Variants in LANCL2 observed in about 807,000 individuals in gnomAD.
The protein encoded by LANCL2 is LanC like glutathione S-transferase 2.
LANCL2 carries 33 observed loss-of-function variants against 56.9 expected under a neutral mutation model. That is an observed-to-expected ratio of 0.58 (90% CI 0.44 to 0.78). LANCL2 has a LOEUF of 0.78. Ranked by LOEUF, LANCL2 falls within the 30% of genes least tolerant of loss-of-function variation. The pLI, the probability that LANCL2 is intolerant of heterozygous loss-of-function variation, is 0.00. For synonymous variants in LANCL2, 233 were observed against 228.2 expected, an observed-to-expected ratio of 1.02 and a Z score of -0.19; for missense variants, 562 against 580.2, an observed-to-expected ratio of 0.97 and a Z score of 0.32.
At chr7:55,401,406 G>A in intron 5 of LANCL2, 86 bp downstream of exon 5, 1 of 1,192,456 alleles carries the variant, frequency 8.4e-7, no homozygotes, top group Non-Finnish European at 1.2e-6. Flanking sequence ...AAAGCAGTCT[G>A]GATTGAAATA....
intron 7 of LANCL2, among the ~76,000 whole-genome samples, chr7:55,427,096 T>C (rs1018053559): frequency 1.3e-5 from 2 of 152,156 alleles, no homozygotes; most frequent in African/African-American, 4.8e-5. Context: ...GCCTTTGGGA[T>C]GCAAAGGGAA....
chr7:55,419,557 A>AT (rs1790585849), intron 6 of LANCL2, among the ~76,000 whole-genome samples: 8 of 151,822 alleles, frequency 5.3e-5, no homozygotes, highest in African/African-American at 1.9e-4. Flanking sequence ...ACGAGGTACC[A>AT]CGCCTGACTA....
chr7:55,366,084 A>C lies in LANCL2; in HGVS notation c.59A>C (p.Glu20Ala). Residue 20 changes from glutamate to alanine, a missense_variant, in exon 1 of 9, where the codon GAG (glutamate) becomes GCG (alanine). Physicochemically the swap from Glu to Ala is moderately radical, Grantham distance 107 (BLOSUM62 -1). Transcript: ENST00000254770. ...KLHLGGEAEMEERAFVNPFPD... is the reference protein window; with the variant it reads ...KLHLGGEAEMAERAFVNPFPD... ...CACCTGGGAGGGGAGGCAGAAATGG[A>C]GGAACGGGCGTTCGTCAACCCCTTC... The C allele has an allele frequency of 6.5e-7, 1 of 1,535,718 alleles. No homozygotes were observed.
intron 1 of LANCL2, among the ~76,000 whole-genome samples, chr7:55,375,480 T>C (rs1161606787): frequency 6.6e-6 from 1 of 152,196 alleles, no homozygotes; most frequent in African/African-American, 2.4e-5. Flanking sequence ...CTGAGACGCC[T>C]GTGAGAGGCT....
intron 1 of LANCL2, among the ~76,000 whole-genome samples, chr7:55,386,839 T>C (rs1583747546): frequency 6.6e-6 from 1 of 152,218 alleles, no homozygotes; most frequent in East Asian, 1.9e-4. Flanking sequence ...GGGTTACTGT[T>C]TTGGATTGTG....
At chr7:55,423,101 A>G (rs554467302) in intron 6 of LANCL2, among the ~76,000 whole-genome samples, 20 of 152,354 alleles carry the variant, frequency 1.3e-4, no homozygotes, top group African/African-American at 4.8e-4. Context: ...TAGCCCATGT[A>G]TGATTGCTGT....
intron 6 of LANCL2, 25 bp downstream of exon 6, chr7:55,412,114 G>A (rs943295707): frequency 1.1e-5 from 17 of 1,592,316 alleles, no homozygotes; most frequent in East Asian, 2.3e-5. Context: ...CGTCACGGCC[G>A]TCCCCTGTGT....
intron 1 of LANCL2, among the ~76,000 whole-genome samples, chr7:55,390,695 C>T (rs1790177560): frequency 6.6e-6 from 1 of 151,876 alleles, no homozygotes; most frequent in South Asian, 2.1e-4. Flanking sequence ...GCAGAAGAAT[C>T]TCTTGAACCC....
intron 1 of LANCL2, among the ~76,000 whole-genome samples, chr7:55,380,055 C>T (rs12216608): frequency 0.35 from 53,098 of 151,658 alleles, 9,699 homozygotes; most frequent in African/African-American, 0.42. Flanking sequence ...TAGGAATTAT[C>T]GTAATTTACT....
At chr7:55,418,740 T>C (rs534388187) in intron 6 of LANCL2, among the ~76,000 whole-genome samples, 8 of 152,222 alleles carry the variant, frequency 5.3e-5, no homozygotes, top group Non-Finnish European at 1.2e-4. Flanking sequence ...ATATTAAATA[T>C]TTCCCCATCA....
intron 6 of LANCL2, among the ~76,000 whole-genome samples, chr7:55,415,764 T>C (rs1790529443): frequency 6.6e-6 from 1 of 151,840 alleles, no homozygotes; most frequent in Non-Finnish European, 1.5e-5. Context: ...CAGGCACACG[T>C]CACCATGCCT....
intron 5 of LANCL2, among the ~76,000 whole-genome samples, chr7:55,404,170 T>G (rs2128994315): frequency 6.6e-6 from 1 of 152,340 alleles, no homozygotes; most frequent in Non-Finnish European, 1.5e-5. Context: ...AGCATAAGCC[T>G]AGGGCTTCAG....
intron 6 of LANCL2, among the ~76,000 whole-genome samples, chr7:55,420,766 G>A (rs1294685906): frequency 6.6e-6 from 1 of 152,164 alleles, no homozygotes; most frequent in Non-Finnish European, 1.5e-5. Context: ...CAGACTGTGT[G>A]GGCTTGTAGT....
At chr7:55,370,217 T>C (rs574900498) in intron 1 of LANCL2, among the ~76,000 whole-genome samples, 1 of 152,322 alleles carries the variant, frequency 6.6e-6, no homozygotes, top group South Asian at 2.1e-4. Context: ...TCCTTAGGGC[T>C]GCCTCATGAC....
At chr7:55,403,795 C>G (rs372041918) in intron 5 of LANCL2, among the ~76,000 whole-genome samples, 9 of 151,986 alleles carry the variant, frequency 5.9e-5, no homozygotes, top group Admixed American at 1.3e-4. Flanking sequence ...TGGTCTCAAA[C>G]TCCTGACCTC....
intron 1 of LANCL2, 32 bp downstream of exon 1, chr7:55,366,261 G>C (rs774127610): frequency 2.8e-6 from 4 of 1,443,032 alleles, no homozygotes; most frequent in Non-Finnish European, 3.7e-6. Flanking sequence ...AGAGGCGCCG[G>C]AGGGGGAGCG....
Position 55,415,972 on chromosome 7 carries a change from T to G in LANCL2, c.1008+3883T>G, listed in dbSNP as rs141647493. 6.0e-3 allele frequency among the ~76,000 whole-genome samples: 918 copies of G among 152,264 alleles called. 11 individuals carry two copies. Among genetic ancestry groups the G allele is most frequent in the African/African-American group, 0.021 (863 of 41,542 alleles). On this transcript the variant is annotated intron_variant, in intron 6 of 8. Transcript: ENST00000254770. ...TTTGGCTATTAGGAACAAGCTGCTATGAACATTCTTGCACAGGTCTGTCTA... is the reference window on the plus strand; with the variant it reads ...TTTGGCTATTAGGAACAAGCTGCTAGGAACATTCTTGCACAGGTCTGTCTA...
rs1789857655 is a variant in LANCL2, at chr7:55,366,009, GCCGTACCGC to G, written c.-16_-8del. On this transcript the variant is annotated 5_prime_UTR_variant, in exon 1 of 9. Coordinates refer to ENST00000254770, the MANE Select transcript of LANCL2 (RefSeq NM_018697.4). Reference sequence around the variant, plus strand: ...ACAGGAGGTTTGTCCCCGCCCGCGCGCCGTACCGCGGCGGAGATGGGCGAGACCATGTCA... The same window carrying G: ...ACAGGAGGTTTGTCCCCGCCCGCGCGGGCGGAGATGGGCGAGACCATGTCA... The G allele has an allele frequency of 1.4e-6, 2 of 1,425,224 alleles. No homozygotes were observed. Among genetic ancestry groups the G allele is most frequent in the Non-Finnish European group, 1.8e-6 (2 of 1,083,420 alleles). The allele number at this position is 1,425,224 out of a possible 1,614,324, so 88.3% of individuals were successfully genotyped here. A position where few individuals can be genotyped will look rare whatever the true frequency, so the allele number is the denominator to read the frequency against.
chr7:55,424,693 C>T (rs1790643317), intron 6 of LANCL2, among the ~76,000 whole-genome samples: 1 of 152,318 alleles, frequency 6.6e-6, no homozygotes, highest in South Asian at 2.1e-4. Context: ...CCCCAGCCCC[C>T]AGGCTGTGAA....
Sources: allele counts gnomAD v4.1 joint callset (sites outside exome capture counted in the v4.1 genomes callset), GRCh38; gene constraint gnomAD v4.1.1; transcripts MANE v1.5; gene names NCBI Gene and HGNC (gene_info 2026-07-23, HGNC 2026-07-21).